CDH9: variants seen among roughly 807,000 people sequenced by gnomAD.
CDH9 encodes cadherin 9, also known as cadherin-9.
In CDH9, 28 loss-of-function variants were observed where a neutral mutation model predicts 70.9. That is an observed-to-expected ratio of 0.40 (90% CI 0.29 to 0.54). CDH9 has a LOEUF of 0.54. Ranked by LOEUF, CDH9 falls within the 20% of genes least tolerant of loss-of-function variation. CDH9 has a pLI of 0.59. For missense variants in CDH9, 874 were observed against 984.4 expected, an observed-to-expected ratio of 0.89 and a Z score of 1.50; for synonymous variants, 409 against 343.1, an observed-to-expected ratio of 1.19 and a Z score of -2.12.
intron 7 of CDH9, among the ~76,000 whole-genome samples, chr5:26,891,228 C>A (rs986470290): frequency 6.6e-6 from 1 of 152,164 alleles, no homozygotes; most frequent in Non-Finnish European, 1.5e-5. Context: ...TATCTCCTCT[C>A]CCTAAGATGT....
At chr5:26,951,811 A>G (rs2112047809) in intron 2 of CDH9, among the ~76,000 whole-genome samples, 1 of 152,232 alleles carries the variant, frequency 6.6e-6, no homozygotes, top group African/African-American at 2.4e-5. Context: ...AGTTATTTAT[A>G]ATTTAATCAG....
chr5:27,020,519 A>AG (rs1743119551), intron 1 of CDH9, among the ~76,000 whole-genome samples: 1 of 151,710 alleles, frequency 6.6e-6, no homozygotes, highest in Non-Finnish European at 1.5e-5. Flanking sequence ...TTTTAGTGTT[A>AG]GTACTGAATT....
chr5:26,893,779 G>A lies in CDH9; in HGVS notation c.1254-3215C>T, dbSNP rs553072357. On this transcript the variant is annotated intron_variant, in intron 7 of 11. Coordinates refer to ENST00000231021, the MANE Select transcript of CDH9 (RefSeq NM_016279.4). ...TCAGAGTATTATCAGAGATAGATCC[G>A]ATTTGCAAAATAACAATGTAGTAAA... is the stretch of plus-strand genomic sequence containing the variant. Among the ~76,000 whole-genome samples, 89 of 151,922 alleles carry A rather than the reference G, an allele frequency of 5.9e-4. 1 individual carries two copies. Among genetic ancestry groups the A allele is most frequent in the African/African-American group, 1.9e-3 (80 of 41,430 alleles).
intron 1 of CDH9, among the ~76,000 whole-genome samples, chr5:27,013,322 A>T (rs777916647): frequency 1.3e-5 from 2 of 151,900 alleles, no homozygotes; most frequent in Non-Finnish European, 2.9e-5. Flanking sequence ...AGTCAGTGAA[A>T]TCCAACTGCT....
At chr5:26,895,869 A>G (rs1740740709) in intron 7 of CDH9, among the ~76,000 whole-genome samples, 1 of 152,020 alleles carries the variant, frequency 6.6e-6, no homozygotes, top group Non-Finnish European at 1.5e-5. Context: ...GATCGTAGCA[A>G]ACAAAACAGT....
chr5:26,890,602 T>G (rs1246025527), intron 7 of CDH9, 38 bp from the exon 8 acceptor site: 2 of 1,502,380 alleles, frequency 1.3e-6, no homozygotes, highest in Non-Finnish European at 1.9e-6. Flanking sequence ...GGCATTCTTC[T>G]AAGGTTATTA....
At chr5:27,030,746 A>G (rs1743297534) in intron 1 of CDH9, among the ~76,000 whole-genome samples, 1 of 151,896 alleles carries the variant, frequency 6.6e-6, no homozygotes, top group Non-Finnish European at 1.5e-5. Flanking sequence ...TAACAAAAAA[A>G]TACAGAAGGA....
rs73078146 is a variant in CDH9 at position 27,037,836 on chromosome 5, G to C, written c.-50+627C>G. On this transcript the variant is annotated intron_variant, in intron 1 of 11. Coordinates refer to ENST00000231021, the MANE Select transcript of CDH9 (RefSeq NM_016279.4). ...GCTCACAGATGTATACATTCAGAGT[G>C]TCGACCTGAGTGGGAGCCACAAATA... is the stretch of plus-strand genomic sequence containing the variant. 9.4e-3 allele frequency among the ~76,000 whole-genome samples: 1,424 copies of C among 152,042 alleles called. 34 individuals carry two copies. Among genetic ancestry groups the C allele is most frequent in the African/African-American group, 0.032 (1,334 of 41,520 alleles).
At chr5:26,991,107 G>A (rs1742572764) in intron 1 of CDH9, among the ~76,000 whole-genome samples, 1 of 152,152 alleles carries the variant, frequency 6.6e-6, no homozygotes, top group Non-Finnish European at 1.5e-5. Flanking sequence ...AGGTTAGAGG[G>A]CAGGAAAGCG....
intron 1 of CDH9, among the ~76,000 whole-genome samples, chr5:26,990,332 A>G (rs1377156570): frequency 1.3e-5 from 2 of 152,172 alleles, no homozygotes; most frequent in East Asian, 1.9e-4. Flanking sequence ...CATGCCTATT[A>G]TTTTAAAAAT....
intron 3 of CDH9, among the ~76,000 whole-genome samples, chr5:26,914,595 T>A (rs946400692): frequency 6.6e-6 from 1 of 152,040 alleles, no homozygotes; most frequent in Non-Finnish European, 1.5e-5. Context: ...TGACATTTCA[T>A]TTGAGGTGAG....
chr5:26,950,317 G>A (rs1741822754), intron 2 of CDH9, among the ~76,000 whole-genome samples: 1 of 152,026 alleles, frequency 6.6e-6, no homozygotes, highest in African/African-American at 2.4e-5. Flanking sequence ...GAAGTGTATG[G>A]GACATGGAAA....
At chr5:26,888,346 C>A (rs1211938919) in intron 9 of CDH9, among the ~76,000 whole-genome samples, 1 of 152,042 alleles carries the variant, frequency 6.6e-6, no homozygotes, top group Non-Finnish European at 1.5e-5. Flanking sequence ...AGGTGGTAAA[C>A]AAGCAAAATG....
At chr5:26,899,772 G>T (rs1274012002) in intron 7 of CDH9, among the ~76,000 whole-genome samples, 1 of 151,778 alleles carries the variant, frequency 6.6e-6, no homozygotes, top group East Asian at 1.9e-4. Flanking sequence ...TAATGTAGAT[G>T]ACGGTTTGAT....
At chr5:26,995,339 G>C (rs1403135067) in intron 1 of CDH9, among the ~76,000 whole-genome samples, 1 of 152,076 alleles carries the variant, frequency 6.6e-6, no homozygotes, top group African/African-American at 2.4e-5. Flanking sequence ...GAGAAAATAG[G>C]CCTTTTGAAA....
At chr5:26,989,502 T>TTC (rs778908302) in intron 1 of CDH9, among the ~76,000 whole-genome samples, 2 of 129,000 alleles carry the variant, frequency 1.6e-5, no homozygotes, top group African/African-American at 3.1e-5. Flanking sequence ...TCTCTCTCTC[T>TTC]TCTCTGTCTC....
intron 3 of CDH9, among the ~76,000 whole-genome samples, chr5:26,908,848 G>A: frequency 6.6e-6 from 1 of 152,116 alleles, no homozygotes; most frequent in East Asian, 1.9e-4. Context: ...TCATTGATAT[G>A]TTATTTTTTA....
At chr5:27,006,600 T>A (rs938905608) in intron 1 of CDH9, among the ~76,000 whole-genome samples, 2 of 152,154 alleles carry the variant, frequency 1.3e-5, no homozygotes, top group Non-Finnish European at 2.9e-5. Context: ...AAGAGGCTCA[T>A]TCTGTTGAGA....
intron 7 of CDH9, among the ~76,000 whole-genome samples, chr5:26,894,481 C>T (rs577043832): frequency 1.2e-3 from 183 of 152,182 alleles, no homozygotes; most frequent in African/African-American, 4.3e-3. Context: ...CATGAAGGCA[C>T]TCACAGACGA....
Sources: allele counts gnomAD v4.1 joint callset (sites outside exome capture counted in the v4.1 genomes callset), GRCh38; gene constraint gnomAD v4.1.1; transcripts MANE v1.5; gene names NCBI Gene and HGNC (gene_info 2026-07-23, HGNC 2026-07-21).